LIPI: variants seen among roughly 807,000 people sequenced by gnomAD.
LIPI encodes the protein lipase I.
LIPI carries 59 observed loss-of-function variants against 50.6 expected under a neutral mutation model. That is an observed-to-expected ratio of 1.16 (90% CI 0.94 to 1.45). The LOEUF (loss-of-function observed/expected upper bound fraction) is 1.45, where lower values mean the gene tolerates loss of function less well. Among genes scored for constraint, LIPI ranks in the 40% most tolerant of loss-of-function variants. LIPI has a pLI of 0.00. For missense variants in LIPI, 586 were observed against 536.3 expected (o/e 1.09, Z -0.92); for synonymous variants, 203 against 178.2 (o/e 1.14, Z -1.11).
intron 1 of LIPI, among the ~76,000 whole-genome samples, chr21:14,208,912 G>A (rs575314846): frequency 6.6e-6 from 1 of 152,198 alleles, no homozygotes; most frequent in East Asian, 1.9e-4. Context: ...TTAGCCAGGC[G>A]TGGTGGTGTG....
intron 9 of LIPI, among the ~76,000 whole-genome samples, chr21:14,132,434 CA>C (rs369670820): frequency 2.0e-5 from 3 of 152,000 alleles, no homozygotes; most frequent in Admixed American, 2.0e-4. Context: ...CACACACACA[CA>C]AAAAAGTTTT....
Position 14,108,856 on chromosome 21 carries a change from T to C in LIPI, c.*137A>G. 1 of 1,001,566 alleles carries C rather than the reference T, an allele frequency of 1.0e-6. No individual in the cohort carries two copies. Among genetic ancestry groups the C allele is most frequent in the Non-Finnish European group, 1.5e-6 (1 of 669,794 alleles). 62.0% of individuals were successfully genotyped at this position (1,001,566 alleles called of 1,614,324 possible). The stretch of plus-strand genomic sequence containing the variant: ...ATGCATTTTTTATTTTCTTTATTTT[T>C]GATTCTTAAAATTTTTTCCAAGAAA... On this transcript the variant is annotated 3_prime_UTR_variant, in exon 10 of 10. Coordinates refer to ENST00000681601, the MANE Select transcript of LIPI (RefSeq NM_001302998.2).
At chr21:14,181,971 T>G (rs1239070232) in intron 3 of LIPI, 112 bp from the exon 4 acceptor site, 1 of 698,444 alleles carries the variant, frequency 1.4e-6, no homozygotes, top group East Asian at 2.8e-5. Context: ...ACTTTTAGTT[T>G]AAACCTATCC....
intron 9 of LIPI, among the ~76,000 whole-genome samples, chr21:14,116,522 C>T (rs976355601): frequency 3.3e-5 from 5 of 152,138 alleles, no homozygotes; most frequent in Non-Finnish European, 5.9e-5. Flanking sequence ...TGTTGAAGAA[C>T]TTTAAGAAAG....
chr21:14,155,954 T>C (rs1007155944), intron 7 of LIPI, among the ~76,000 whole-genome samples: 1 of 152,010 alleles, frequency 6.6e-6, no homozygotes, highest in African/African-American at 2.4e-5. Flanking sequence ...TTGTAAATGT[T>C]AAGGATTGAA....
chr21:14,111,972 A>G (rs1219060240), intron 9 of LIPI, among the ~76,000 whole-genome samples: 3 of 151,998 alleles, frequency 2.0e-5, no homozygotes, highest in East Asian at 3.8e-4. Context: ...GTTGTACTCA[A>G]TAGGTAATTT....
intron 4 of LIPI, among the ~76,000 whole-genome samples, chr21:14,176,617 G>A (rs1363771229): frequency 6.7e-6 from 1 of 150,348 alleles, no homozygotes; most frequent in Non-Finnish European, 1.5e-5. Context: ...TATTTATTTG[G>A]ATTAAGTGCA....
intron 9 of LIPI, chr21:14,143,779 ATTC>A (rs2017800707): frequency 6.6e-6 from 1 of 152,310 alleles, no homozygotes; most frequent in Non-Finnish European, 1.5e-5. Flanking sequence ...GGAAATATGG[ATTC>A]TTCTACAGCA....
chr21:14,163,616 A>C, intron 6 of LIPI, 93 bp from the exon 7 acceptor site: 2 of 726,978 alleles, frequency 2.8e-6, no homozygotes, highest in Admixed American at 4.0e-5. Flanking sequence ...CAGTGCATAT[A>C]ATCATCATAA....
chr21:14,131,590 A>T (rs1372724980), intron 9 of LIPI, among the ~76,000 whole-genome samples: 2 of 152,152 alleles, frequency 1.3e-5, no homozygotes, highest in Non-Finnish European at 2.9e-5. Flanking sequence ...ACTTTAAAAA[A>T]CTGAAACAAG....
chr21:14,182,807 A>C (rs1359160544), intron 3 of LIPI, among the ~76,000 whole-genome samples: 1 of 151,778 alleles, frequency 6.6e-6, no homozygotes, highest in African/African-American at 2.4e-5. Context: ...CTTCAAGGAG[A>C]ACTACAAACC....
chr21:14,109,828 T>A (rs1179514494), intron 9 of LIPI, among the ~76,000 whole-genome samples: 1 of 151,532 alleles, frequency 6.6e-6, no homozygotes, highest in Non-Finnish European at 1.5e-5. Context: ...CCAAAGCCTT[T>A]GAGAAAAATT....
intron 1 of LIPI, among the ~76,000 whole-genome samples, chr21:14,200,495 T>C (rs78071757): frequency 6.6e-6 from 1 of 151,960 alleles, no homozygotes; most frequent in African/African-American, 2.4e-5. Flanking sequence ...GAATTAACTC[T>C]CATTCACAAT....
chr21:14,108,847 C>A lies in LIPI; in HGVS notation c.*146G>T, dbSNP rs62208635. 0.22 allele frequency: 199,736 copies of A among 921,270 alleles called. 24,140 individuals are homozygous for A. The highest frequency in any genetic ancestry group is 0.25 in the Non-Finnish European group (150,738 of 608,596). The allele number at this position is 921,270 out of a possible 1,614,324, so 57.1% of individuals were successfully genotyped here. A position where few individuals can be genotyped will look rare whatever the true frequency, so the allele number is the denominator to read the frequency against. On this transcript the variant is annotated 3_prime_UTR_variant, in exon 10 of 10. Transcript: ENST00000681601. The stretch of plus-strand genomic sequence containing the variant: ...TTTAACTGTATGCATTTTTTATTTT[C>A]TTTATTTTTGATTCTTAAAATTTTT...
chr21:14,139,733 G>A (rs1166910920), intron 9 of LIPI, among the ~76,000 whole-genome samples: 1 of 152,166 alleles, frequency 6.6e-6, no homozygotes, highest in African/African-American at 2.4e-5. Context: ...GATGATAAAA[G>A]TAGGCTTCAT....
intron 9 of LIPI, among the ~76,000 whole-genome samples, chr21:14,116,455 G>T (rs1247048918): frequency 6.6e-6 from 1 of 152,148 alleles, no homozygotes; most frequent in African/African-American, 2.4e-5. Flanking sequence ...GAGTGAAAGT[G>T]TGCTGTGAGG....
chr21:14,206,758 AT>A (rs1300125249), intron 1 of LIPI: 3 of 1,051,362 alleles, frequency 2.9e-6, no homozygotes, highest in Non-Finnish European at 4.4e-6. Flanking sequence ...GTTGTTTTAT[AT>A]TTCCTCTTCT....
At chr21:14,129,815 A>ATT (rs1377173387) in intron 9 of LIPI, among the ~76,000 whole-genome samples, 3 of 143,144 alleles carry the variant, frequency 2.1e-5, no homozygotes, top group South Asian at 2.1e-4. Context: ...TTTTTAAAAA[A>ATT]AAAAAAAGCT....
chr21:14,148,990 G>A (rs2017998306), intron 8 of LIPI, among the ~76,000 whole-genome samples: 1 of 152,126 alleles, frequency 6.6e-6, no homozygotes. Flanking sequence ...CAGTTTCTTT[G>A]CCTTCTGAAC....
Sources: gnomAD v4.1 joint callset for allele counts (sites outside exome capture counted in the v4.1 genomes callset) on GRCh38, gnomAD v4.1.1 for gene constraint, MANE v1.5 for transcripts, NCBI Gene and HGNC (gene_info 2026-07-23, HGNC 2026-07-21) for gene names.